Variants in NMNAT2 observed in about 807,000 individuals in gnomAD.
NMNAT2 encodes the protein nicotinamide nucleotide adenylyltransferase 2.
NMNAT2 carries 11 observed loss-of-function variants against 41.6 expected under a neutral mutation model. The ratio of observed to expected loss-of-function variants is 0.26; its 90% CI spans 0.17 to 0.44. The LOEUF (loss-of-function observed/expected upper bound fraction) is 0.44. Among genes scored for constraint, NMNAT2 ranks in the 20% least tolerant of loss-of-function variants. NMNAT2 has a pLI of 1.00. For missense variants in NMNAT2, 288 were observed against 407.7 expected, an observed-to-expected ratio of 0.71 and a Z score of 2.53; for synonymous variants, 148 against 151.2, an observed-to-expected ratio of 0.98 and a Z score of 0.16.
intron 1 of NMNAT2, among the ~76,000 whole-genome samples, chr1:183,366,105 AG>A (rs1663404995): frequency 6.6e-6 from 1 of 152,248 alleles, no homozygotes; most frequent in East Asian, 1.9e-4. Flanking sequence ...CTCCTTAGAA[AG>A]AAACCCAAGA....
At chr1:183,292,715 A>G in intron 3 of NMNAT2, 75 bp downstream of exon 3, 4 of 1,347,046 alleles carry the variant, frequency 3.0e-6, no homozygotes, top group Non-Finnish European at 4.2e-6. Context: ...TACTGCTGGA[A>G]CTCTTCTTTT....
chr1:183,378,906 G>T (rs776751761), intron 1 of NMNAT2, among the ~76,000 whole-genome samples: 1 of 152,094 alleles, frequency 6.6e-6, no homozygotes, highest in Non-Finnish European at 1.5e-5. Context: ...AGGCAAGCAT[G>T]GTGGCACATG....
At chr1:183,330,422 C>A (rs987320022) in intron 1 of NMNAT2, among the ~76,000 whole-genome samples, 1 of 152,180 alleles carries the variant, frequency 6.6e-6, no homozygotes, top group African/African-American at 2.4e-5. Flanking sequence ...ACAAAAGCAG[C>A]CAGGCAGAGA....
rs950357170 is a variant in NMNAT2 at position 183,368,580 on chromosome 1, G to A, written c.85+49603C>T. Among the ~76,000 whole-genome samples the A allele has an allele frequency of 4.6e-5, 7 of 152,266 alleles. No individual in the cohort carries two copies. In the South Asian group the frequency reaches 1.2e-3, roughly 27 times the overall value. ...TGCTAATTCTGTCTCCAGATTGACCGTGTGTGTCTGTCTTCCCTCCTCTGT... is the reference window on the plus strand; with the variant it reads ...TGCTAATTCTGTCTCCAGATTGACCATGTGTGTCTGTCTTCCCTCCTCTGT... On this transcript the variant is annotated intron_variant, in intron 1 of 10. Transcript: ENST00000287713.
intron 8 of NMNAT2, among the ~76,000 whole-genome samples, chr1:183,276,747 G>T (rs1197843757): frequency 6.6e-6 from 1 of 152,236 alleles, no homozygotes; most frequent in Non-Finnish European, 1.5e-5. Flanking sequence ...TCTTGAAAGA[G>T]CTTTGATGAG....
chr1:183,252,450 A>G lies in NMNAT2; in HGVS notation c.*191T>C, dbSNP rs1660413902. On this transcript the variant is annotated 3_prime_UTR_variant, in exon 11 of 11. Coordinates refer to ENST00000287713, the MANE Select transcript of NMNAT2 (RefSeq NM_015039.4). ...CACCCCCAACCCGGAGACTAGAGGA[A>G]AGTCTGTCCAAAGATGACTGTGGAA... 1.7e-6 allele frequency: 1 copy of G among 571,606 alleles called. No individual in the cohort carries two copies. The allele number at this position is 571,606 out of a possible 1,614,324, so 35.4% of individuals were successfully genotyped here. A position where few individuals can be genotyped will look rare whatever the true frequency, so the allele number is the denominator to read the frequency against.
chr1:183,297,898 T>G (rs1442476002), intron 1 of NMNAT2, among the ~76,000 whole-genome samples: 1 of 152,214 alleles, frequency 6.6e-6, no homozygotes, highest in Non-Finnish European at 1.5e-5. Flanking sequence ...CAAGGCTGTT[T>G]TTTCAGTATT....
At position 183,304,887 on chromosome 1, in the gene NMNAT2, T is replaced by C. The variant is rs913519480; in HGVS notation, c.86-11094A>G. ...GGGAGAATTTGAATCCCTTTGTCCTTACAGCCAGGAAATGATTTATGACCC... is the reference window on the plus strand; with the variant it reads ...GGGAGAATTTGAATCCCTTTGTCCTCACAGCCAGGAAATGATTTATGACCC... On this transcript the variant is annotated intron_variant, in intron 1 of 10. Transcript: ENST00000287713. The C allele has an allele frequency of 1.5e-5, 22 of 1,485,518 alleles. No individual in the cohort carries two copies. In the African/African-American group the frequency reaches 2.6e-4, roughly 18 times the overall value. 92.0% of individuals were successfully genotyped at this position (1,485,518 alleles called of 1,614,324 possible).
At chr1:183,283,597 C>G (rs974691496) in intron 7 of NMNAT2, 4 of 319,500 alleles carry the variant, frequency 1.3e-5, no homozygotes, top group African/African-American at 8.8e-5. Context: ...CTTTCAGTCC[C>G]CTCTCTGTTT....
At chr1:183,365,708 A>T in intron 1 of NMNAT2, among the ~76,000 whole-genome samples, 1 of 152,074 alleles carries the variant, frequency 6.6e-6, no homozygotes, top group South Asian at 2.1e-4. Flanking sequence ...ACTGCACTAC[A>T]GCCTGGGCAA....
chr1:183,334,639 A>G (rs1032124410), intron 1 of NMNAT2, among the ~76,000 whole-genome samples: 2 of 151,704 alleles, frequency 1.3e-5, no homozygotes, highest in Non-Finnish European at 2.9e-5. Flanking sequence ...CCTCCTGAGT[A>G]GTTGGGATTA....
chr1:183,318,547 T>C (rs1361692622), intron 1 of NMNAT2, among the ~76,000 whole-genome samples: 1 of 151,970 alleles, frequency 6.6e-6, no homozygotes, highest in Non-Finnish European at 1.5e-5. Flanking sequence ...AACAGGACGA[T>C]GGGGGAGGAA....
intron 8 of NMNAT2, among the ~76,000 whole-genome samples, chr1:183,275,661 G>A: frequency 1.1e-5 from 1 of 91,174 alleles, no homozygotes; most frequent in East Asian, 3.2e-4. Flanking sequence ...CAGGATATGA[G>A]CATTTCCGTA....
chr1:183,398,316 G>C (rs981996050), intron 1 of NMNAT2, among the ~76,000 whole-genome samples: 2 of 152,082 alleles, frequency 1.3e-5, no homozygotes, highest in Non-Finnish European at 2.9e-5. Flanking sequence ...GACAAAGAAG[G>C]CCAGTACATA....
At chr1:183,357,977 C>G (rs1032760602) in intron 1 of NMNAT2, among the ~76,000 whole-genome samples, 8 of 152,102 alleles carry the variant, frequency 5.3e-5, no homozygotes, top group African/African-American at 1.9e-4. Flanking sequence ...CACGTATGTT[C>G]ATTGCAGCAC....
chr1:183,385,928 G>A (rs756759958), intron 1 of NMNAT2, among the ~76,000 whole-genome samples: 2 of 152,084 alleles, frequency 1.3e-5, no homozygotes, highest in East Asian at 1.9e-4. Context: ...CAGGCAAGTC[G>A]GTGCCTATGA....
At chr1:183,343,506 C>T (rs890601759) in intron 1 of NMNAT2, among the ~76,000 whole-genome samples, 7 of 152,132 alleles carry the variant, frequency 4.6e-5, no homozygotes, top group Non-Finnish European at 1.5e-5. Context: ...TTCTTGTTTA[C>T]TGTAAGTCTG....
At chr1:183,369,263 CTTTT>C (rs55925461) in intron 1 of NMNAT2, among the ~76,000 whole-genome samples, 121 of 140,102 alleles carry the variant, frequency 8.6e-4, no homozygotes, top group East Asian at 6.5e-3. Flanking sequence ...CTTTTCTTTT[CTTTT>C]TTTTTTTTTA....
intron 1 of NMNAT2, among the ~76,000 whole-genome samples, chr1:183,342,154 T>C (rs1466376423): frequency 3.3e-5 from 5 of 151,878 alleles, no homozygotes; most frequent in African/African-American, 1.2e-4. Flanking sequence ...GTCTCCATAG[T>C]GCTGGCTGCT....
Sources: allele counts gnomAD v4.1 joint callset (sites outside exome capture counted in the v4.1 genomes callset), GRCh38; gene constraint gnomAD v4.1.1; transcripts MANE v1.5; gene names NCBI Gene and HGNC (gene_info 2026-07-23, HGNC 2026-07-21).